The following TCF7L1 variants were observed in gnomAD, a reference collection of about 807,000 sequenced individuals.
The protein encoded by TCF7L1 is transcription factor 7 like 1.
In TCF7L1, 18 loss-of-function variants were observed where a neutral mutation model predicts 63.7. The observed-to-expected ratio is 0.28, with a 90% confidence interval of 0.20 to 0.42. The LOEUF (loss-of-function observed/expected upper bound fraction) is 0.42, where lower values mean the gene tolerates loss of function less well. TCF7L1 is among the 10% of genes least tolerant of loss of function. The probability of loss-of-function intolerance (pLI) is 1.00; values close to 1 mark genes in which losing one functional copy is unlikely to be tolerated. For missense variants in TCF7L1, 654 were observed against 779.3 expected (o/e 0.84, Z 1.91); for synonymous variants, 355 against 340.9 (o/e 1.04, Z -0.46).
chr2:85,306,406 C>T lies in TCF7L1; in HGVS notation c.1149+41C>T. On this transcript the variant is annotated intron_variant, in intron 9 of 11. Transcript: ENST00000282111. The surrounding 1 kb of genome is among the most constrained non-coding windows in gnomAD (Gnocchi z 4.3). ...TCCCTCCAGGCCAGGGAGGCAGCGT[C>T]CCTGCATTGATGGCTCCGTGTGGTC... 1 of 1,613,610 alleles carries T rather than the reference C, an allele frequency of 6.2e-7. No homozygotes were observed. Among genetic ancestry groups the T allele is most frequent in the Non-Finnish European group, 8.5e-7 (1 of 1,179,518 alleles).
chr2:85,309,663 AC>A lies in TCF7L1; in HGVS notation c.*202del. 3 of 479,784 alleles carry A rather than the reference AC, an allele frequency of 6.3e-6. No individual in the cohort carries two copies. Among genetic ancestry groups the A allele is most frequent in the Non-Finnish European group, 1.1e-5 (3 of 284,592 alleles). 29.7% of individuals were successfully genotyped at this position (479,784 alleles called of 1,614,324 possible). A position where few individuals can be genotyped will look rare whatever the true frequency, so the allele number is the denominator to read the frequency against. On this transcript the variant is annotated 3_prime_UTR_variant, in exon 12 of 12. Transcript: ENST00000282111. ...CTTTTTTAAAAAACAAAACAAAACA[AC>A]AAAAAAAAATCTTTATAAGAAAGAG... is the stretch of plus-strand genomic sequence containing the variant.
At chr2:85,271,401 G>A (rs181566696) in intron 3 of TCF7L1, among the ~76,000 whole-genome samples, 1 of 152,304 alleles carries the variant, frequency 6.6e-6, no homozygotes, top group African/African-American at 2.4e-5. Context: ...ATAAGCTACC[G>A]CGCCCGGCCC....
chr2:85,215,957 G>T (rs1445790419), intron 3 of TCF7L1, among the ~76,000 whole-genome samples: 1 of 152,172 alleles, frequency 6.6e-6, no homozygotes, highest in African/African-American at 2.4e-5. Flanking sequence ...CAGAGGCCAG[G>T]TTTTTGTGGT....
intron 3 of TCF7L1, among the ~76,000 whole-genome samples, chr2:85,235,282 C>T (rs147471528): frequency 6.6e-6 from 1 of 152,124 alleles, no homozygotes; most frequent in African/African-American, 2.4e-5. Flanking sequence ...AAATAACACG[C>T]TCATATTAAT....
At chr2:85,236,894 C>G (rs1458605788) in intron 3 of TCF7L1, among the ~76,000 whole-genome samples, 1 of 152,130 alleles carries the variant, frequency 6.6e-6, no homozygotes, top group African/African-American at 2.4e-5. Flanking sequence ...ATGCTTTGTT[C>G]CCTAAACCTG....
At chr2:85,192,820 T>C (rs1679064480) in intron 3 of TCF7L1, among the ~76,000 whole-genome samples, 1 of 151,736 alleles carries the variant, frequency 6.6e-6, no homozygotes, top group South Asian at 2.1e-4. Context: ...GATACAGGCA[T>C]GCACTACCAT....
chr2:85,289,976 GT>G (rs11291687), intron 4 of TCF7L1, among the ~76,000 whole-genome samples: 59,379 of 139,734 alleles, frequency 0.42, 12,314 homozygotes, highest in Middle Eastern at 0.52. Context: ...GCCTAGCCCA[GT>G]TTTTTTTTTT....
At chr2:85,205,791 G>A (rs894154311) in intron 3 of TCF7L1, among the ~76,000 whole-genome samples, 4 of 152,194 alleles carry the variant, frequency 2.6e-5, no homozygotes, top group African/African-American at 9.7e-5. Context: ...AAAGTGTTGG[G>A]ATTACAGGCG....
intron 3 of TCF7L1, among the ~76,000 whole-genome samples, chr2:85,180,678 A>C (rs958469999): frequency 6.6e-6 from 1 of 152,172 alleles, no homozygotes; most frequent in Non-Finnish European, 1.5e-5. Context: ...AATAACAACC[A>C]CGATAAGAGT....
chr2:85,191,084 A>C (rs1292076347), intron 3 of TCF7L1, among the ~76,000 whole-genome samples: 2 of 149,538 alleles, frequency 1.3e-5, no homozygotes, highest in East Asian at 3.8e-4. Context: ...CTAGTCTTTA[A>C]GAGCCTTATA....
intron 7 of TCF7L1, among the ~76,000 whole-genome samples, chr2:85,304,917 C>T (rs1682072505): frequency 6.6e-6 from 1 of 152,114 alleles, no homozygotes; most frequent in South Asian, 2.1e-4. Context: ...ACCAGCTCTA[C>T]CTGACAGTGG....
intron 3 of TCF7L1, among the ~76,000 whole-genome samples, chr2:85,258,045 A>AT (rs1166724162): frequency 6.6e-6 from 1 of 152,234 alleles, no homozygotes; most frequent in Admixed American, 6.5e-5. Context: ...TGAAATGGGA[A>AT]TAACAACAAT....
intron 3 of TCF7L1, among the ~76,000 whole-genome samples, chr2:85,160,564 G>A (rs1203547337): frequency 2.0e-5 from 3 of 152,078 alleles, no homozygotes; most frequent in Non-Finnish European, 4.4e-5. Context: ...TTTAAAAAAA[G>A]AAGCAGGCTG....
intron 3 of TCF7L1, among the ~76,000 whole-genome samples, chr2:85,180,005 G>A (rs1678763520): frequency 6.6e-6 from 1 of 152,026 alleles, no homozygotes; most frequent in Non-Finnish European, 1.5e-5. Flanking sequence ...TCACACATAG[G>A]GGGTGTCTTG....
At chr2:85,232,806 T>G (rs1182934253) in intron 3 of TCF7L1, among the ~76,000 whole-genome samples, 2 of 152,214 alleles carry the variant, frequency 1.3e-5, no homozygotes, top group East Asian at 1.9e-4. Context: ...ATATTCATCT[T>G]TACCTTACCC....
At chr2:85,235,748 G>A (rs370115594) in intron 3 of TCF7L1, among the ~76,000 whole-genome samples, 17 of 152,216 alleles carry the variant, frequency 1.1e-4, no homozygotes, top group African/African-American at 3.9e-4. Flanking sequence ...GGCCAGGTGC[G>A]GTGTGGCTCA....
chr2:85,209,839 A>ATGT (rs1368620126), intron 3 of TCF7L1, among the ~76,000 whole-genome samples: 27 of 152,254 alleles, frequency 1.8e-4, no homozygotes, highest in African/African-American at 6.5e-4. Context: ...AATGTATCCT[A>ATGT]TAGCCCTTTC....
Position 85,134,529 on chromosome 2 carries a change from G to A in TCF7L1, c.441+79G>A. The A allele has an allele frequency of 7.9e-6, 12 of 1,513,700 alleles. No individual in the cohort carries two copies. The highest frequency in any genetic ancestry group is 1.1e-5 in the Non-Finnish European group (12 of 1,129,944). 93.8% of individuals were successfully genotyped at this position (1,513,700 alleles called of 1,614,324 possible). A position where few individuals can be genotyped will look rare whatever the true frequency, so the allele number is the denominator to read the frequency against. On this transcript the variant is annotated intron_variant, in intron 3 of 11. Coordinates refer to ENST00000282111, the MANE Select transcript of TCF7L1 (RefSeq NM_031283.3). The surrounding 1 kb of genome is among the most constrained non-coding windows in gnomAD (Gnocchi z 5.0). ...GCGCCCCCGGGCTTGGCCATGGAGT[G>A]GGGGATGGGGCCTTCTGCGCCGATC...
At chr2:85,148,232 G>A (rs1259473985) in intron 3 of TCF7L1, among the ~76,000 whole-genome samples, 1 of 152,174 alleles carries the variant, frequency 6.6e-6, no homozygotes, top group Non-Finnish European at 1.5e-5. Context: ...GATGGGGAGA[G>A]TCTGTGGAGT....
Sources: gnomAD v4.1 joint callset for allele counts (sites outside exome capture counted in the v4.1 genomes callset) on GRCh38, gnomAD v4.1.1 for gene constraint, Gnocchi (gnomAD v3.1) non-coding constraint, MANE v1.5 for transcripts, NCBI Gene and HGNC (gene_info 2026-07-23, HGNC 2026-07-21) for gene names.